The following PPARGC1A variants were observed in gnomAD, a reference collection of about 807,000 sequenced individuals.
PPARGC1A encodes the protein peroxisome proliferator-activated receptor gamma coactivator 1-alpha.
PPARGC1A carries 25 observed loss-of-function variants against 88.7 expected under a neutral mutation model. The observed-to-expected ratio is 0.28, with a 90% CI of 0.21 to 0.39. PPARGC1A has a LOEUF of 0.39. Among genes scored for constraint, PPARGC1A ranks in the 10% least tolerant of loss-of-function variants. The pLI, the probability that PPARGC1A is intolerant of heterozygous loss-of-function variation, is 1.00. For synonymous variants in PPARGC1A, 363 were observed against 355.6 expected, an observed-to-expected ratio of 1.02 and a Z score of -0.24; for missense variants, 880 against 968.7, an observed-to-expected ratio of 0.91 and a Z score of 1.22.
the PPARGC1A span, among the ~76,000 whole-genome samples, chr4:24,444,110 AGCC>A: frequency 6.6e-6 from 1 of 151,782 alleles, no homozygotes; most frequent in Non-Finnish European, 1.5e-5. Context: ...CAATATAGGC[AGCC>A]TCCGCCTCCC....
the PPARGC1A span, among the ~76,000 whole-genome samples, chr4:24,203,398 G>T: frequency 6.6e-6 from 1 of 152,162 alleles, no homozygotes; most frequent in African/African-American, 2.4e-5. Context: ...AATTAACCAG[G>T]TGTGGTGGCA....
intron 2 of PPARGC1A, among the ~76,000 whole-genome samples, chr4:23,854,234 T>G (rs889443497): frequency 8.5e-5 from 13 of 152,184 alleles, no homozygotes; most frequent in African/African-American, 3.1e-4. Context: ...GAGAATCATT[T>G]TTAGTTTTAA....
chr4:23,794,855 G>A lies in PPARGC1A; in HGVS notation c.*967C>T, dbSNP rs983358852. 3 of 152,356 alleles carry A rather than the reference G, an allele frequency of 2.0e-5. No individual in the cohort carries two copies. The highest frequency in any genetic ancestry group is 1.3e-4 in the Admixed American group (2 of 15,216). 9.4% of individuals were successfully genotyped at this position (152,356 alleles called of 1,614,324 possible). ...CGGTGTCCGCTCCTCAGAAAGAACC[G>A]CTGAACAAGCTGCACGCTTGACCAT... is the stretch of plus-strand genomic sequence containing the variant. On this transcript the variant is annotated 3_prime_UTR_variant, in exon 13 of 13. Coordinates refer to ENST00000264867, the MANE Select transcript of PPARGC1A (RefSeq NM_013261.5).
At chr4:24,443,161 T>C in the PPARGC1A span, among the ~76,000 whole-genome samples, 1 of 152,156 alleles carries the variant, frequency 6.6e-6, no homozygotes, top group Non-Finnish European at 1.5e-5. Flanking sequence ...TATATATTTG[T>C]CTGGTTGGTC....
At chr4:23,833,146 T>TCC (rs1725343203) in intron 2 of PPARGC1A, among the ~76,000 whole-genome samples, 2 of 152,188 alleles carry the variant, frequency 1.3e-5, no homozygotes, top group Non-Finnish European at 2.9e-5. Context: ...AAACAATTCA[T>TCC]TATAAAATAT....
At chr4:23,934,961 C>T in the PPARGC1A span, among the ~76,000 whole-genome samples, 6 of 152,194 alleles carry the variant, frequency 3.9e-5, no homozygotes, top group African/African-American at 1.4e-4. Context: ...TGAGCTGCAC[C>T]CTTTCACAAA....
chr4:24,059,499 C>T, the PPARGC1A span, among the ~76,000 whole-genome samples: 51,877 of 151,868 alleles, frequency 0.34, 8,999 homozygotes, highest in South Asian at 0.41. Context: ...GCAATTCATC[C>T]TAATGAAAAG....
the PPARGC1A span, among the ~76,000 whole-genome samples, chr4:24,217,013 C>T: frequency 1.3e-5 from 2 of 152,182 alleles, no homozygotes; most frequent in African/African-American, 4.8e-5. Context: ...GCTATGTCTG[C>T]ATCTCACTTA....
chr4:24,109,287 C>T, the PPARGC1A span, among the ~76,000 whole-genome samples: 16 of 132,524 alleles, frequency 1.2e-4, no homozygotes, highest in African/African-American at 3.5e-4. Flanking sequence ...GCACTTAACA[C>T]CATTTCATTA....
the PPARGC1A span, among the ~76,000 whole-genome samples, chr4:24,086,765 T>C: frequency 0.028 from 4,274 of 152,288 alleles, 190 homozygotes; most frequent in African/African-American, 0.096. Context: ...TGACACATAT[T>C]GTGCATTTGA....
chr4:23,845,950 A>G (rs60666580), intron 2 of PPARGC1A, among the ~76,000 whole-genome samples: 106 of 152,316 alleles, frequency 7.0e-4, no homozygotes, highest in African/African-American at 2.2e-3. Flanking sequence ...ATGCAGACTC[A>G]TTCATGATTA....
chr4:24,051,047 G>A, the PPARGC1A span, among the ~76,000 whole-genome samples: 1 of 152,052 alleles, frequency 6.6e-6, no homozygotes, highest in South Asian at 2.1e-4. Context: ...AAATAGCCAG[G>A]CATGGTGGCG....
chr4:24,091,582 C>A, the PPARGC1A span: 1 of 985,408 alleles, frequency 1.0e-6, no homozygotes. Context: ...GGCTGTTACT[C>A]TCTCTCCTTG....
At chr4:24,042,306 C>T in the PPARGC1A span, among the ~76,000 whole-genome samples, 3 of 152,254 alleles carry the variant, frequency 2.0e-5, no homozygotes, top group Middle Eastern at 6.8e-3. Context: ...AGAAAACAGG[C>T]ATGGATTGTG....
chr4:23,929,865 C>T, the PPARGC1A span, among the ~76,000 whole-genome samples: 3 of 152,134 alleles, frequency 2.0e-5, no homozygotes, highest in Non-Finnish European at 4.4e-5. Context: ...CTAGGCTAAG[C>T]CTTTATGAGG....
At chr4:24,371,135 T>C in the PPARGC1A span, among the ~76,000 whole-genome samples, 2 of 152,214 alleles carry the variant, frequency 1.3e-5, no homozygotes, top group Non-Finnish European at 1.5e-5. Context: ...GGCTGCATTG[T>C]ATTCCATGGT....
rs1340090169 is a variant in PPARGC1A, at chr4:23,889,897, A to G, written c.54+7T>C. 5.0e-6 allele frequency: 8 copies of G among 1,613,238 alleles called. No individual in the cohort carries two copies. The highest frequency in any genetic ancestry group is 5.9e-6 in the Non-Finnish European group (7 of 1,179,540). On this transcript the variant is annotated splice_region_variant and intron_variant, in intron 1 of 12. Transcript: ENST00000264867. Reference sequence around the variant, plus strand: ...TGGCTGCAGCGCCGAGCCCTGCCCCAGCTCACCTCGATGTCACTCCATACA... The same window carrying G: ...TGGCTGCAGCGCCGAGCCCTGCCCCGGCTCACCTCGATGTCACTCCATACA...
At chr4:23,982,735 T>C in the PPARGC1A span, among the ~76,000 whole-genome samples, 1 of 152,186 alleles carries the variant, frequency 6.6e-6, no homozygotes, top group South Asian at 2.1e-4. Context: ...AGTTTTTGTT[T>C]TCTCATCTAT....
At chr4:24,235,947 T>C in the PPARGC1A span, among the ~76,000 whole-genome samples, 1 of 152,166 alleles carries the variant, frequency 6.6e-6, no homozygotes, top group Non-Finnish European at 1.5e-5. Flanking sequence ...AGGTGTGTTT[T>C]CCTTCATCCT....
Sources: allele counts gnomAD v4.1 joint callset (sites outside exome capture counted in the v4.1 genomes callset), GRCh38; gene constraint gnomAD v4.1.1; transcripts MANE v1.5; gene names NCBI Gene and HGNC (gene_info 2026-07-23, HGNC 2026-07-21).